DYM: variants seen among roughly 807,000 people sequenced by gnomAD.
The protein encoded by DYM is dyggve-Melchior-Clausen syndrome protein.
A neutral mutation model predicts 93.1 loss-of-function variants in DYM; 78 were observed. The observed-to-expected ratio is 0.84, with a 90% CI of 0.70 to 1.01. The LOEUF (loss-of-function observed/expected upper bound fraction) is 1.01. Ranked by LOEUF, DYM falls within the 50% of genes least tolerant of loss-of-function variation. The pLI is 0.00. For synonymous variants in DYM, 321 were observed against 319.7 expected (o/e 1.00, Z -0.04); for missense variants, 789 against 845.0 (o/e 0.93, Z 0.82).
chr18:49,194,914 T>G (rs997780256), intron 14 of DYM, among the ~76,000 whole-genome samples: 1 of 152,222 alleles, frequency 6.6e-6, no homozygotes, highest in African/African-American at 2.4e-5. Flanking sequence ...TTGCAGTCAT[T>G]AGCCTCCATA....
chr18:49,333,744 A>T lies in DYM; in HGVS notation c.604T>A (p.Leu202Met), dbSNP rs376048972. Reference protein sequence around the residue: ...VLRQSISHKYLMRGPCLPYTS... With the variant: ...VLRQSISHKYMMRGPCLPYTS... ...GAAACATACCATGGACCTCGCATCA[A>T]ATACTTGTGGCTGATGCTCTGTCGC... Residue 202 changes from leucine to methionine, a missense_variant, in exon 7 of 18, where the codon TTG (leucine) becomes ATG (methionine). This residue lies in a region of DYM where 450 missense variants were observed against 436.2 expected (regional missense o/e 1.03). Coordinates refer to ENST00000675505, the MANE Select transcript of DYM (RefSeq NM_001353214.3). The T allele has an allele frequency of 6.2e-7, 1 of 1,613,856 alleles. No individual in the cohort carries two copies. The highest frequency in any genetic ancestry group is 1.3e-5 in the African/African-American group (1 of 74,938).
chr18:49,215,743 T>G (rs982303373), intron 13 of DYM, among the ~76,000 whole-genome samples: 4 of 152,198 alleles, frequency 2.6e-5, no homozygotes, highest in African/African-American at 9.6e-5. Context: ...TCTCAAGTGG[T>G]AATGAAACTA....
intron 13 of DYM, among the ~76,000 whole-genome samples, chr18:49,242,502 C>G (rs2094042216): frequency 6.6e-6 from 1 of 152,024 alleles, no homozygotes; most frequent in African/African-American, 2.4e-5. Context: ...ATAAAGTTTC[C>G]TGAGTAAGAA....
At position 49,081,172 on chromosome 18, in the gene DYM, T is replaced by C. The variant is rs533137403; in HGVS notation, c.2025+16230A>G. Among the ~76,000 whole-genome samples, 708 of 150,476 alleles carry C rather than the reference T, an allele frequency of 4.7e-3. 3 individuals are homozygous for C. The highest frequency in any genetic ancestry group is 6.8e-3 in the Non-Finnish European group (462 of 67,518). On this transcript the variant is annotated intron_variant, in intron 17 of 17. Transcript: ENST00000675505. The stretch of plus-strand genomic sequence containing the variant: ...GCAGGCGGCTGGGAGATGGAGGTTG[T>C]AGCGAGCTGAGATCACGCCAGTGCA...
intron 13 of DYM, among the ~76,000 whole-genome samples, chr18:49,218,400 C>G (rs1038001070): frequency 6.6e-6 from 1 of 152,136 alleles, no homozygotes; most frequent in African/African-American, 2.4e-5. Context: ...CTGCACCAAG[C>G]GGACCTAATA....
intron 15 of DYM, among the ~76,000 whole-genome samples, chr18:49,135,633 G>A (rs1221337210): frequency 6.6e-6 from 1 of 152,116 alleles, no homozygotes; most frequent in East Asian, 1.9e-4. Context: ...GTATAAGAAG[G>A]CTATCAGGCA....
intron 13 of DYM, among the ~76,000 whole-genome samples, chr18:49,251,391 T>TA (rs1187136646): frequency 6.6e-6 from 1 of 152,024 alleles, no homozygotes; most frequent in Admixed American, 6.5e-5. Context: ...CAGGGTCCAG[T>TA]AAGATAGAAT....
At chr18:49,250,260 T>C (rs1388606798) in intron 13 of DYM, among the ~76,000 whole-genome samples, 1 of 152,148 alleles carries the variant, frequency 6.6e-6, no homozygotes, top group African/African-American at 2.4e-5. Context: ...ATAAAATAAG[T>C]CTTTTATCTC....
intron 6 of DYM, among the ~76,000 whole-genome samples, chr18:49,358,591 T>C (rs2065764299): frequency 6.6e-6 from 1 of 152,224 alleles, no homozygotes; most frequent in African/African-American, 2.4e-5. Context: ...TAAATTATAA[T>C]TGACAAATCT....
chr18:49,290,534 A>T (rs1045572299), intron 8 of DYM, among the ~76,000 whole-genome samples: 1 of 152,054 alleles, frequency 6.6e-6, no homozygotes. Context: ...TTTAAAAATA[A>T]ATGTAAAAGA....
chr18:49,271,146 C>A (rs1383740971), intron 11 of DYM, among the ~76,000 whole-genome samples: 1 of 152,040 alleles, frequency 6.6e-6, no homozygotes, highest in Non-Finnish European at 1.5e-5. Context: ...AAAGAAAATT[C>A]GGTAAGTTTG....
chr18:49,257,325 TTCCC>T (rs1306642095), intron 12 of DYM, among the ~76,000 whole-genome samples: 1 of 152,252 alleles, frequency 6.6e-6, no homozygotes, highest in Non-Finnish European at 1.5e-5. Flanking sequence ...GTCTTCATTA[TTCCC>T]TCCATGGTGA....
intron 16 of DYM, among the ~76,000 whole-genome samples, chr18:49,113,111 T>C (rs760313396): frequency 5.4e-4 from 82 of 152,210 alleles, no homozygotes; most frequent in South Asian, 6.2e-4. Flanking sequence ...AGAATTATGA[T>C]TTAACCTTGT....
At chr18:49,141,082 T>C (rs1322534261) in intron 15 of DYM, among the ~76,000 whole-genome samples, 1 of 152,234 alleles carries the variant, frequency 6.6e-6, no homozygotes. Flanking sequence ...TTCTGAAGGT[T>C]GGAGGTCTCT....
intron 16 of DYM, 92 bp from the exon 17 acceptor site, chr18:49,097,607 A>G (rs2079668708): frequency 9.2e-7 from 1 of 1,087,656 alleles, no homozygotes; most frequent in Non-Finnish European, 1.4e-6. Flanking sequence ...AACTATCATG[A>G]TTCCATTCCT....
chr18:49,444,129 C>T lies in DYM; in HGVS notation c.-53-13682G>A, dbSNP rs915766136. Among the ~76,000 whole-genome samples, 9 of 152,178 alleles carry T rather than the reference C, an allele frequency of 5.9e-5. No homozygotes were observed. The East Asian group carries it at 1.2e-3, about 20-fold the overall frequency. ...AATGTAAGGTGTTTAAAGCTTATGG[C>T]TATTAATCATATTCTCAATCAGCAG... On this transcript the variant is annotated intron_variant, in intron 1 of 17. Transcript: ENST00000675505.
intron 13 of DYM, among the ~76,000 whole-genome samples, chr18:49,248,910 A>G (rs1372273601): frequency 6.6e-6 from 1 of 152,226 alleles, no homozygotes; most frequent in Non-Finnish European, 1.5e-5. Flanking sequence ...CAGTTCTAAA[A>G]AAGTGGAAAA....
chr18:49,356,947 C>T (rs2065622786), intron 6 of DYM, among the ~76,000 whole-genome samples: 1 of 151,958 alleles, frequency 6.6e-6, no homozygotes, highest in Non-Finnish European at 1.5e-5. Flanking sequence ...TTTTTTATAT[C>T]TCAATAAACA....
chr18:49,379,942 G>A (rs1354835419), intron 3 of DYM, among the ~76,000 whole-genome samples, 184 bp from the exon 4 acceptor site: 1 of 152,062 alleles, frequency 6.6e-6, no homozygotes, highest in African/African-American at 2.4e-5. Context: ...TCTTAATTCT[G>A]AACATCAAAA....
Sources: gnomAD v4.1 joint callset for allele counts (sites outside exome capture counted in the v4.1 genomes callset) on GRCh38, gnomAD v4.1.1 for gene constraint, gnomAD v4.1.1 regional missense constraint, MANE v1.5 for transcripts, NCBI Gene and HGNC (gene_info 2026-07-23, HGNC 2026-07-21) for gene names.